The following TET1 variants were observed in gnomAD, a reference collection of about 807,000 sequenced individuals.
TET1 encodes tet methylcytosine dioxygenase 1.
TET1 carries 13 observed loss-of-function variants against 148.7 expected under a neutral mutation model. That is an observed-to-expected ratio of 0.09 (90% CI 0.06 to 0.14). The LOEUF (loss-of-function observed/expected upper bound fraction) is 0.14, where lower values mean the gene tolerates loss of function less well. TET1 is among the 10% of genes least tolerant of loss of function. The pLI, the probability that TET1 is intolerant of heterozygous loss-of-function variation, is 1.00. For synonymous variants in TET1, 907 were observed against 937.2 expected (o/e 0.97, Z 0.59); for missense variants, 2,182 against 2,553.8 (o/e 0.85, Z 3.14).
At chr10:68,570,773 G>T (rs990512041) in intron 1 of TET1, among the ~76,000 whole-genome samples, 57 of 151,296 alleles carry the variant, frequency 3.8e-4, no homozygotes, top group Middle Eastern at 6.8e-3. Flanking sequence ...GGGACTACGG[G>T]CACCCGCCGC....
chr10:68,570,339 AGG>A lies in TET1; in HGVS notation c.-122-1877_-122-1876del, dbSNP rs546880614. ...AGGCTGGTCTCAAACTCCTGACCTC[AGG>A]TGATCCACCTGCCTCGGCCTCCCAA... On this transcript the variant is annotated intron_variant, in intron 1 of 11. Transcript: ENST00000373644. Among the ~76,000 whole-genome samples the A allele has an allele frequency of 1.3e-3, 197 of 151,832 alleles. 1 individual carries two copies. Among genetic ancestry groups the A allele is most frequent in the African/African-American group, 4.4e-3 (181 of 41,286 alleles).
intron 3 of TET1, among the ~76,000 whole-genome samples, chr10:68,611,986 C>T (rs2488047): frequency 0.59 from 89,998 of 151,758 alleles, 26,818 homozygotes; most frequent in Middle Eastern, 0.62. Context: ...GATAGCCTTA[C>T]TGAGAAATAT....
At chr10:68,611,722 G>A (rs145105326) in intron 3 of TET1, among the ~76,000 whole-genome samples, 2,209 of 145,936 alleles carry the variant, frequency 0.015, 46 homozygotes, top group African/African-American at 0.053. Context: ...TTTTTTTAGA[G>A]GGAGTCTCGC....
At chr10:68,585,587 T>C (rs2053851786) in intron 2 of TET1, among the ~76,000 whole-genome samples, 1 of 152,140 alleles carries the variant, frequency 6.6e-6, no homozygotes, top group African/African-American at 2.4e-5. Context: ...CAGAATTATA[T>C]GCAGCATATT....
At chr10:68,627,133 C>A (rs974712104) in intron 3 of TET1, among the ~76,000 whole-genome samples, 1 of 151,994 alleles carries the variant, frequency 6.6e-6, no homozygotes, top group African/African-American at 2.4e-5. Flanking sequence ...TTAGGCTGGG[C>A]GCAGTGGCTC....
intron 2 of TET1, among the ~76,000 whole-genome samples, chr10:68,574,713 G>A (rs1215330289): frequency 6.6e-6 from 1 of 152,170 alleles, no homozygotes; most frequent in Admixed American, 6.5e-5. Flanking sequence ...AAAGAACACA[G>A]TTGCATCCCT....
chr10:68,566,820 TCTC>T (rs1043319139), intron 1 of TET1, among the ~76,000 whole-genome samples: 3 of 93,598 alleles, frequency 3.2e-5, no homozygotes, highest in Middle Eastern at 5.2e-3. Flanking sequence ...TTTCTCTCTC[TCTC>T]TTTTTTTTTT....
At chr10:68,615,968 T>C (rs909862228) in intron 3 of TET1, among the ~76,000 whole-genome samples, 11 of 152,214 alleles carry the variant, frequency 7.2e-5, no homozygotes, top group Non-Finnish European at 1.5e-4. Flanking sequence ...TTTTTTAAAC[T>C]CCTTACTAGA....
intron 3 of TET1, among the ~76,000 whole-genome samples, chr10:68,640,790 A>G (rs1262670093): frequency 6.6e-6 from 1 of 151,144 alleles, no homozygotes; most frequent in African/African-American, 2.4e-5. Context: ...TGACCTCGTG[A>G]TCTGCCCGCC....
chr10:68,580,960 T>C (rs1235764246), intron 2 of TET1, among the ~76,000 whole-genome samples: 1 of 152,004 alleles, frequency 6.6e-6, no homozygotes, highest in East Asian at 1.9e-4. Context: ...GCAGTGAGAC[T>C]GTGTCTCAGA....
At chr10:68,682,703 T>A (rs770461479) in intron 9 of TET1, 133 bp from the exon 10 acceptor site, 43 of 1,024,904 alleles carry the variant, frequency 4.2e-5, no homozygotes, top group Admixed American at 1.2e-4. Context: ...TTCATGACAA[T>A]AATACATTTA....
At chr10:68,571,196 G>A (rs2053666094) in intron 1 of TET1, among the ~76,000 whole-genome samples, 1 of 151,502 alleles carries the variant, frequency 6.6e-6, no homozygotes, top group African/African-American at 2.4e-5. Context: ...TGACACGTTG[G>A]CCAGGCTGGT....
At chr10:68,668,976 G>GGAGAGAGAGA (rs56945020) in intron 7 of TET1, among the ~76,000 whole-genome samples, 3 of 148,566 alleles carry the variant, frequency 2.0e-5, no homozygotes, top group African/African-American at 4.9e-5. Context: ...CATGGCAAAA[G>GGAGAGAGAGA]GAGAGAGAGA....
At chr10:68,593,086 C>G (rs10823234) in intron 2 of TET1, among the ~76,000 whole-genome samples, 32,546 of 151,634 alleles carry the variant, frequency 0.21, 3,646 homozygotes, top group African/African-American at 0.28. Flanking sequence ...AAAAAAATTA[C>G]CTGGGCGTGG....
chr10:68,562,742 C>T (rs76342145), intron 1 of TET1, among the ~76,000 whole-genome samples: 6,081 of 152,012 alleles, frequency 0.04, 246 homozygotes, highest in African/African-American at 0.11. Context: ...CTCCACTGTC[C>T]CTGCCCTTTG....
intron 2 of TET1, among the ~76,000 whole-genome samples, chr10:68,583,765 G>A (rs996214500): frequency 3.3e-5 from 5 of 152,038 alleles, no homozygotes; most frequent in African/African-American, 1.2e-4. Flanking sequence ...ACAAAAATTA[G>A]CTGGGCATGA....
At chr10:68,578,957 C>T (rs1310821668) in intron 2 of TET1, among the ~76,000 whole-genome samples, 4 of 152,052 alleles carry the variant, frequency 2.6e-5, no homozygotes, top group African/African-American at 9.7e-5. Flanking sequence ...GCTGAGGTTG[C>T]AGTGAGCTAT....
chr10:68,601,839 A>G (rs1317952797), intron 3 of TET1, among the ~76,000 whole-genome samples: 2 of 152,170 alleles, frequency 1.3e-5, no homozygotes, highest in African/African-American at 4.8e-5. Context: ...ATGAAGAAAT[A>G]CTAAGCAATA....
chr10:68,677,159 A>T (rs1263809935), intron 8 of TET1, among the ~76,000 whole-genome samples: 2 of 152,226 alleles, frequency 1.3e-5, no homozygotes. Context: ...AGAAAGTTGG[A>T]GAAAGCTTTA....
Sources: allele counts gnomAD v4.1 joint callset (sites outside exome capture counted in the v4.1 genomes callset), GRCh38; gene constraint gnomAD v4.1.1; transcripts MANE v1.5; gene names NCBI Gene and HGNC (gene_info 2026-07-23, HGNC 2026-07-21).